NPAS3: variants seen among roughly 807,000 people sequenced by gnomAD.
The protein encoded by NPAS3 is neuronal PAS domain-containing protein 3.
A neutral mutation model predicts 73.1 loss-of-function variants in NPAS3; 14 were observed. The observed-to-expected ratio is 0.19, with a 90% CI of 0.13 to 0.30. NPAS3 has a LOEUF of 0.30. Ranked by LOEUF, NPAS3 falls within the 10% of genes least tolerant of loss-of-function variation. NPAS3 has a pLI of 1.00. For synonymous variants in NPAS3, 620 were observed against 541.5 expected (o/e 1.14, Z -2.01); for missense variants, 1,096 against 1,250.0 (o/e 0.88, Z 1.86).
At position 33,658,122 on chromosome 14, in the gene NPAS3, G is replaced by A. The variant is rs182901192; in HGVS notation, c.559-18089G>A. On this transcript the variant is annotated intron_variant, in intron 5 of 11. Coordinates refer to ENST00000356141, the Ensembl canonical transcript of NPAS3. Reference sequence around the variant, plus strand: ...ATAATAAGTAGACACTGTAGAAATTGAGGGGAACTGTTTATGTGCTTAGAA... The same window carrying A: ...ATAATAAGTAGACACTGTAGAAATTAAGGGGAACTGTTTATGTGCTTAGAA... Among the ~76,000 whole-genome samples, 36 of 152,344 alleles carry A rather than the reference G, an allele frequency of 2.4e-4. No homozygotes were observed. In the East Asian group the frequency reaches 3.5e-3, roughly 15 times the overall value.
chr14:33,694,171 A>G (rs781680881), intron 6 of NPAS3, among the ~76,000 whole-genome samples: 1 of 151,632 alleles, frequency 6.6e-6, no homozygotes, highest in Non-Finnish European at 1.5e-5. Flanking sequence ...TAATGCAGCC[A>G]TCTGCAACCC....
chr14:33,646,438 C>T (rs758664924), intron 5 of NPAS3, among the ~76,000 whole-genome samples: 10 of 151,960 alleles, frequency 6.6e-5, no homozygotes, highest in Non-Finnish European at 1.3e-4. Flanking sequence ...TGGATGTCTG[C>T]GTAGATGACT....
At chr14:32,947,180 A>G (rs1273322415) in intron 1 of NPAS3, among the ~76,000 whole-genome samples, 1 of 152,174 alleles carries the variant, frequency 6.6e-6, no homozygotes, top group Non-Finnish European at 1.5e-5. Flanking sequence ...TTAAGGGTCA[A>G]TATAAGTGTG....
chr14:33,107,315 A>G (rs927762), intron 2 of NPAS3, among the ~76,000 whole-genome samples: 22,742 of 152,134 alleles, frequency 0.15, 1,990 homozygotes, highest in East Asian at 0.38. Context: ...ATATTGCGTG[A>G]TGCTGAGGTT....
intron 3 of NPAS3, among the ~76,000 whole-genome samples, chr14:33,321,354 G>T (rs1466290150): frequency 6.6e-6 from 1 of 152,106 alleles, no homozygotes; most frequent in Non-Finnish European, 1.5e-5. Flanking sequence ...GAAACAATGG[G>T]AAGTAGGGTG....
At chr14:33,308,678 G>A (rs2042882979) in intron 3 of NPAS3, among the ~76,000 whole-genome samples, 1 of 151,140 alleles carries the variant, frequency 6.6e-6, no homozygotes, top group Admixed American at 6.6e-5. Flanking sequence ...GTCACTTTTG[G>A]TTTAGAGGTA....
At chr14:32,997,851 T>G (rs2038647033) in intron 1 of NPAS3, among the ~76,000 whole-genome samples, 1 of 151,986 alleles carries the variant, frequency 6.6e-6, no homozygotes, top group Non-Finnish European at 1.5e-5. Flanking sequence ...CTGTGAGTTC[T>G]CCATTAAACC....
chr14:33,799,970 A>G (rs1267863437), exon 12 of NPAS3: 2 of 1,613,948 alleles, frequency 1.2e-6, no homozygotes, highest in Admixed American at 1.7e-5. Context: ...CGCGATGCAG[A>G]TCAAGGTGGA....
At chr14:33,566,322 G>A (rs150513377) in intron 5 of NPAS3, among the ~76,000 whole-genome samples, 236 of 151,892 alleles carry the variant, frequency 1.6e-3, no homozygotes, top group South Asian at 8.1e-3. Context: ...TGACCTTATC[G>A]TTCTCACCAG....
intron 2 of NPAS3, among the ~76,000 whole-genome samples, chr14:33,059,961 T>C (rs1356433523): frequency 6.6e-6 from 1 of 152,302 alleles, no homozygotes. Context: ...GTTTTGTTTT[T>C]AGTAGAGGAC....
At chr14:33,070,238 C>A (rs1293741617) in intron 2 of NPAS3, among the ~76,000 whole-genome samples, 1 of 151,990 alleles carries the variant, frequency 6.6e-6, no homozygotes, top group Non-Finnish European at 1.5e-5. Context: ...TTATAAAATT[C>A]TCCTCCATGT....
intron 3 of NPAS3, among the ~76,000 whole-genome samples, chr14:33,329,005 CT>C (rs1221918961): frequency 6.6e-6 from 1 of 152,042 alleles, no homozygotes; most frequent in African/African-American, 2.4e-5. Context: ...CATGTAAGGA[CT>C]TTTTTCTCTA....
intron 3 of NPAS3, among the ~76,000 whole-genome samples, chr14:33,253,574 A>C (rs2139907971): frequency 6.6e-6 from 1 of 151,892 alleles, no homozygotes; most frequent in East Asian, 1.9e-4. Flanking sequence ...TACCTTATTT[A>C]TTTTTGGTAC....
chr14:33,263,126 A>C (rs1482506257), intron 3 of NPAS3, among the ~76,000 whole-genome samples: 1 of 152,190 alleles, frequency 6.6e-6, no homozygotes, highest in East Asian at 1.9e-4. Flanking sequence ...TACTTTAATT[A>C]GATCCCATTT....
intron 4 of NPAS3, among the ~76,000 whole-genome samples, chr14:33,399,272 A>G (rs2047349729): frequency 6.6e-6 from 1 of 152,088 alleles, no homozygotes; most frequent in South Asian, 2.1e-4. Flanking sequence ...AAATAAGTGT[A>G]TTGTTCATGG....
intron 3 of NPAS3, among the ~76,000 whole-genome samples, chr14:33,355,310 C>CT (rs1269908902): frequency 2.0e-5 from 3 of 151,996 alleles, no homozygotes; most frequent in African/African-American, 4.8e-5. Context: ...AACCGTTGCT[C>CT]TTTTTTTTGA....
At chr14:33,172,216 G>A (rs1205310151) in intron 2 of NPAS3, among the ~76,000 whole-genome samples, 1 of 152,128 alleles carries the variant, frequency 6.6e-6, no homozygotes, top group African/African-American at 2.4e-5. Flanking sequence ...TGGAAAGATG[G>A]CACCGACAGA....
intron 2 of NPAS3, among the ~76,000 whole-genome samples, chr14:33,091,692 C>T (rs1213600087): frequency 2.0e-5 from 3 of 152,120 alleles, no homozygotes; most frequent in East Asian, 1.9e-4. Context: ...AGACCAATAT[C>T]CCTGATGAAC....
rs115777251 is a variant in NPAS3, at chr14:33,275,913, A to G, written c.385+60487A>G. On this transcript the variant is annotated intron_variant, in intron 3 of 11. Coordinates refer to ENST00000356141, the Ensembl canonical transcript of NPAS3. Reference sequence around the variant, plus strand: ...CTTAGATATGATAAATATATGCTCTATAACTTTTTGGTGTGAGAGCACACA... The same window carrying G: ...CTTAGATATGATAAATATATGCTCTGTAACTTTTTGGTGTGAGAGCACACA... Among the ~76,000 whole-genome samples the G allele has an allele frequency of 5.4e-3, 816 of 152,332 alleles. 7 individuals carry two copies. Among genetic ancestry groups the G allele is most frequent in the African/African-American group, 0.019 (777 of 41,584 alleles).
Sources: allele counts gnomAD v4.1 joint callset (sites outside exome capture counted in the v4.1 genomes callset), GRCh38; gene constraint gnomAD v4.1.1; transcripts MANE v1.5; gene names NCBI Gene and HGNC (gene_info 2026-07-23, HGNC 2026-07-21).